Variants in ABCB8 observed in about 807,000 individuals in gnomAD.
ABCB8 encodes ATP binding cassette subfamily B member 8.
Under a neutral mutation model 73.0 loss-of-function variants are expected in ABCB8, and 52 were observed. The ratio of observed to expected loss-of-function variants is 0.71; its 90% CI spans 0.57 to 0.90. The LOEUF is 0.90. ABCB8 is among the 40% of genes least tolerant of loss of function. The pLI, the probability that ABCB8 is intolerant of heterozygous loss-of-function variation, is 0.00. For missense variants in ABCB8, 909 were observed against 974.6 expected, an observed-to-expected ratio of 0.93 and a Z score of 0.90; for synonymous variants, 428 against 423.5, an observed-to-expected ratio of 1.01 and a Z score of -0.13.
At position 151,034,473 on chromosome 7, in the gene ABCB8, G is replaced by A. The variant is rs1476270804; in HGVS notation, c.565-32G>A. The A allele has an allele frequency of 1.9e-6, 3 of 1,613,594 alleles. No individual in the cohort carries two copies. The African/African-American group carries it at 4.0e-5, about 22-fold the overall frequency. ...TGGGGACCGCCGAGGAGCCACCCGA[G>A]GCATCCCTGAGTGCACTGGGCTCTT... is the stretch of plus-strand genomic sequence containing the variant. On this transcript the variant is annotated intron_variant, in intron 3 of 15. Transcript: ENST00000358849.
At chr7:151,034,190 A>T in intron 2 of ABCB8, 83 bp from the exon 3 acceptor site, 1 of 1,460,570 alleles carries the variant, frequency 6.8e-7, no homozygotes, top group Non-Finnish European at 9.3e-7. Flanking sequence ...GTAGTGGGAG[A>T]GGAAGGGCCA....
In ABCB8 at chr7:151,040,946, C is replaced by T. The variant is rs752812368; in HGVS notation, c.1483+24C>T. ...AGGTAAGGGGAGCCCACCACCTCTT[C>T]ACCCTCTGACTCTTCTCTAGCAGCC... On this transcript the variant is annotated intron_variant, in intron 12 of 15. Transcript: ENST00000358849. The T allele has an allele frequency of 5.6e-6, 9 of 1,597,164 alleles. No homozygotes were observed. In the South Asian group the frequency reaches 8.9e-5, roughly 16 times the overall value.
rs1796541792 is a variant in ABCB8, at chr7:151,043,897, A to G, written c.1766-74A>G. 15 of 1,579,900 alleles carry G rather than the reference A, an allele frequency of 9.5e-6. No individual in the cohort carries two copies. In the South Asian group the frequency reaches 1.5e-4, roughly 16 times the overall value. ...AGAGGATCTTGATGGGCGTTCAGGA[A>G]GGACCCTGTGCCCCTTTGTGGGCCA... On this transcript the variant is annotated intron_variant, in intron 14 of 15. Transcript: ENST00000358849.
chr7:151,031,354 G>A (rs1043088803), intron 1 of ABCB8: 18 of 1,514,774 alleles, frequency 1.2e-5, no homozygotes, highest in African/African-American at 1.4e-5. Context: ...ATAAAAACCT[G>A]GCAGTTGGAA....
In ABCB8 at chr7:151,045,415, A is replaced by G. The variant is rs1796589059; in HGVS notation, c.*66A>G. On this transcript the variant is annotated 3_prime_UTR_variant, in exon 16 of 16. Transcript: ENST00000358849. Reference sequence around the variant, plus strand: ...TTAGGGCTGGGGCTCAGCCTGGGGGAGCCTACTGGGGACTGAGCCCCCAGG... The same window carrying G: ...TTAGGGCTGGGGCTCAGCCTGGGGGGGCCTACTGGGGACTGAGCCCCCAGG... 3 of 1,405,998 alleles carry G rather than the reference A, an allele frequency of 2.1e-6. No individual in the cohort carries two copies. Among genetic ancestry groups the G allele is most frequent in the Non-Finnish European group, 2.8e-6 (3 of 1,075,088 alleles). 87.1% of individuals were successfully genotyped at this position (1,405,998 alleles called of 1,614,324 possible).
In ABCB8 at chr7:151,034,588, C is replaced by T; in HGVS notation, c.648C>T (p.Ser216=). 1 of 1,613,826 alleles carries T rather than the reference C, an allele frequency of 6.2e-7. No individual in the cohort carries two copies. Among genetic ancestry groups the T allele is most frequent in the Non-Finnish European group, 8.5e-7 (1 of 1,180,002 alleles). Residue 216 remains serine (S), a synonymous_variant, in exon 4 of 16, where the codon AGC becomes AGT. Transcript: ENST00000358849. ...TGGACATGCGGAGGGCCCTCTTCAGCTCCCTGCTCCGGTACTGCCAGCCGC... is the reference window on the plus strand; with the variant it reads ...TGGACATGCGGAGGGCCCTCTTCAGTTCCCTGCTCCGGTACTGCCAGCCGC... ...MAVDMRRALF[S]SLLRQDITFF...
intron 1 of ABCB8, chr7:151,029,523 T>TTTC (rs1796093544): frequency 7.3e-6 from 1 of 136,080 alleles, no homozygotes; most frequent in African/African-American, 2.9e-5. Flanking sequence ...TTTTTTTTTT[T>TTTC]TGAGACAGAG....
Position 151,041,205 on chromosome 7 carries a change from G to A in ABCB8, c.1590G>A (p.Arg530=), listed in dbSNP as rs892188998. 3 of 1,605,300 alleles carry A rather than the reference G, an allele frequency of 1.9e-6. No individual in the cohort carries two copies. The Admixed American group carries it at 5.0e-5, about 27-fold the overall frequency. ...DLRTLDPSWL[R]GQVVGFISQE... is the part of the protein sequence containing the mutation. ...GCACCCTTGACCCCTCCTGGCTCCG[G>A]GGCCAGGTTGTCGGCTTCATCAGCC... Residue 530 remains arginine (R), a synonymous_variant, in exon 13 of 16, where the codon CGG becomes CGA. Coordinates refer to ENST00000358849, the MANE Select transcript of ABCB8 (RefSeq NM_007188.5).
At position 151,033,744 on chromosome 7, in the gene ABCB8, C is replaced by CTA. The variant is rs1365097424; in HGVS notation, c.236_237dup (p.Gly80Ter). 18 of 1,613,964 alleles carry CTA rather than the reference C, an allele frequency of 1.1e-5. No homozygotes were observed. Among genetic ancestry groups the CTA allele is most frequent in the Non-Finnish European group, 1.5e-5 (18 of 1,179,960 alleles). On this transcript the variant is annotated frameshift_variant, in exon 2 of 16. Transcript: ENST00000358849. LOFTEE classifies it high-confidence loss of function. ...CTGGTGCTGGGTTGGGGGAGCCCTG[C>CTA]TAGGCCCCATGGTACTGAGTAAGCA...
chr7:151,028,880 C>G (rs1358558339), intron 1 of ABCB8: 1 of 1,513,684 alleles, frequency 6.6e-7, no homozygotes. Flanking sequence ...GTCCGCACTC[C>G]CGACCGGGGG....
intron 2 of ABCB8, 74 bp downstream of exon 2, chr7:151,033,991 T>A (rs1184730075): frequency 1.4e-6 from 2 of 1,471,406 alleles, no homozygotes; most frequent in Non-Finnish European, 1.8e-6. Flanking sequence ...CATTCCTGCC[T>A]CGCTGCCTCT....
At chr7:151,030,247 G>A (rs777773666) in intron 1 of ABCB8, among the ~76,000 whole-genome samples, 3 of 152,252 alleles carry the variant, frequency 2.0e-5, no homozygotes, top group Admixed American at 6.5e-5. Flanking sequence ...TGGGCACGGT[G>A]GCTCACGCCT....
At chr7:151,032,133 C>T (rs1369947094) in intron 1 of ABCB8, among the ~76,000 whole-genome samples, 2 of 152,190 alleles carry the variant, frequency 1.3e-5, no homozygotes, top group Non-Finnish European at 1.5e-5. Flanking sequence ...CCTGCACTTG[C>T]TTTTCCTCTG....
In ABCB8 at chr7:151,041,192, C is replaced by G. The variant is rs1796453081; in HGVS notation, c.1577C>G (p.Pro526Arg). ...GGGCGGGACCTGCGCACCCTTGACC[C>G]CTCCTGGCTCCGGGGCCAGGTTGTC... ...LDGRDLRTLD[P>R]SWLRGQVVGF... The change falls in exon 13 of 16, where the codon CCC becomes CGC. Residue 526 changes from proline (P) to arginine (R), a missense_variant. Coordinates refer to ENST00000358849, the MANE Select transcript of ABCB8 (RefSeq NM_007188.5). 1 of 1,607,486 alleles carries G rather than the reference C, an allele frequency of 6.2e-7. No individual in the cohort carries two copies. The highest frequency in any genetic ancestry group is 1.3e-5 in the African/African-American group (1 of 74,948).
intron 9 of ABCB8, chr7:151,037,428 A>C: frequency 1.5e-6 from 1 of 672,286 alleles, no homozygotes; most frequent in East Asian, 2.7e-5. Flanking sequence ...CGTTGGTCCA[A>C]AACCACCCGC....
rs767450435 is a variant in ABCB8, at chr7:151,045,245, C to CTATA, written c.2054_2057dup (p.Ala687IlefsTer39). On this transcript the variant is annotated frameshift_variant, in exon 16 of 16. Coordinates refer to ENST00000358849, the MANE Select transcript of ABCB8 (RefSeq NM_007188.5). LOFTEE classifies it low-confidence loss of function (END_TRUNC). ...TGAAGAGCTCCTGAAGAAAGGCGGG[C>CTATA]TATACGCCGAGCTCATCCGGAGGCA... 2.0e-5 allele frequency: 32 copies of CTATA among 1,597,948 alleles called. No homozygotes were observed. Among genetic ancestry groups the CTATA allele is most frequent in the Non-Finnish European group, 2.7e-5 (32 of 1,171,744 alleles).
chr7:151,040,312 G>GGTAGGGT lies in ABCB8; in HGVS notation c.1251+13_1251+19dup, dbSNP rs1563299398. The GGTAGGGT allele has an allele frequency of 6.2e-7, 1 of 1,612,680 alleles. No homozygotes were observed. The highest frequency in any genetic ancestry group is 2.2e-5 in the East Asian group (1 of 44,878). ...GTCCTGTTTGGGCAGGTGAGTGGCC[G>GGTAGGGT]GTAGGGTGGAGGGCCTGGGGTGTGG... On this transcript the variant is annotated intron_variant, in intron 10 of 15. Transcript: ENST00000358849.
At chr7:151,028,954 G>T in intron 1 of ABCB8, 1 of 1,291,104 alleles carries the variant, frequency 7.7e-7, no homozygotes, top group Non-Finnish European at 1.0e-6. Context: ...AGTATGAAGA[G>T]ACATTTAATG....
Position 151,045,632 on chromosome 7 carries a change from T to G in ABCB8, c.*283T>G. 1 of 365,024 alleles carries G rather than the reference T, an allele frequency of 2.7e-6. No homozygotes were observed. 22.6% of individuals were successfully genotyped at this position (365,024 alleles called of 1,614,324 possible). On this transcript the variant is annotated 3_prime_UTR_variant, in exon 16 of 16. Transcript: ENST00000358849. ...AGTTCCACGAGACACCTCCACTCTATTCTCCCTTTGCCCAGACCCCTCCAG... is the reference window on the plus strand; with the variant it reads ...AGTTCCACGAGACACCTCCACTCTAGTCTCCCTTTGCCCAGACCCCTCCAG...
Sources: allele counts gnomAD v4.1 joint callset (sites outside exome capture counted in the v4.1 genomes callset), GRCh38; gene constraint gnomAD v4.1.1; transcripts MANE v1.5; gene names NCBI Gene and HGNC (gene_info 2026-07-23, HGNC 2026-07-21).